WDR48: variants seen among roughly 807,000 people sequenced by gnomAD.
WDR48 encodes the protein WD repeat domain 48.
A neutral mutation model predicts 94.0 loss-of-function variants in WDR48; 22 were observed. The observed-to-expected ratio is 0.23, with a 90% CI of 0.17 to 0.33. The LOEUF (loss-of-function observed/expected upper bound fraction) is 0.33, where lower values mean the gene tolerates loss of function less well. WDR48 is among the 10% of genes least tolerant of loss of function. WDR48 has a pLI of 1.00. For missense variants in WDR48, 541 were observed against 813.8 expected (o/e 0.66, Z 4.08); for synonymous variants, 278 against 280.5 (o/e 0.99, Z 0.09).
chr3:39,069,308 G>T (rs1157956714), intron 6 of WDR48, among the ~76,000 whole-genome samples: 4 of 152,152 alleles, frequency 2.6e-5, no homozygotes, highest in Non-Finnish European at 5.9e-5. Context: ...TTGAACATTA[G>T]AAAATAAAGA....
intron 7 of WDR48, among the ~76,000 whole-genome samples, chr3:39,071,944 C>G (rs868259467): frequency 1.3e-5 from 2 of 152,184 alleles, no homozygotes; most frequent in Non-Finnish European, 2.9e-5. Context: ...AAAGAAACTT[C>G]TACTTACAGA....
In WDR48 at chr3:39,094,095, A is replaced by G. The variant is rs747186954; in HGVS notation, c.1938+29A>G. ...AGTGGACTTGAGGACTACAGCCCCA[A>G]TTTTTCCAGTGCTGGTGCTCATAAA... On this transcript the variant is annotated intron_variant, in intron 18 of 18. Transcript: ENST00000302313. 1.9e-5 allele frequency: 30 copies of G among 1,591,124 alleles called. 1 individual carries two copies. The highest frequency in any genetic ancestry group is 1.4e-4 in the South Asian group (12 of 86,588).
At chr3:39,078,694 C>T (rs914485990) in intron 10 of WDR48, among the ~76,000 whole-genome samples, 4 of 151,358 alleles carry the variant, frequency 2.6e-5, no homozygotes, top group South Asian at 2.1e-4. Context: ...ACTGGGATTA[C>T]GGGCGTGAGC....
At chr3:39,065,601 CAGTAAG>C (rs1403509028) in intron 2 of WDR48, among the ~76,000 whole-genome samples, 3 of 151,710 alleles carry the variant, frequency 2.0e-5, no homozygotes, top group East Asian at 1.9e-4. Flanking sequence ...CCTAAGCTTT[CAGTAAG>C]AGTAAAACTG....
rs1458981282 is a variant in WDR48 at position 39,095,823 on chromosome 3, A to G, written c.*1080A>G. Reference sequence around the variant, plus strand: ...TTGGATCTTGTATAGAGTGTAACTTATTGGGGATAAACACTTCAACTTTTG... The same window carrying G: ...TTGGATCTTGTATAGAGTGTAACTTGTTGGGGATAAACACTTCAACTTTTG... On this transcript the variant is annotated 3_prime_UTR_variant, in exon 19 of 19. Coordinates refer to ENST00000302313, the MANE Select transcript of WDR48 (RefSeq NM_020839.4). 6.6e-6 allele frequency: 1 copy of G among 152,666 alleles called. No individual in the cohort carries two copies. The highest frequency in any genetic ancestry group is 1.5e-5 in the Non-Finnish European group (1 of 68,042). The allele number at this position is 152,666 out of a possible 1,614,324, so 9.5% of individuals were successfully genotyped here.
intron 14 of WDR48, among the ~76,000 whole-genome samples, chr3:39,087,015 G>T (rs764387806): frequency 3.0e-4 from 46 of 152,142 alleles, no homozygotes; most frequent in Admixed American, 7.9e-4. Context: ...TCAGGTGGGG[G>T]TACTAAAGAC....
chr3:39,056,310 A>G (rs892861215), intron 1 of WDR48, among the ~76,000 whole-genome samples: 1 of 152,270 alleles, frequency 6.6e-6, no homozygotes, highest in Non-Finnish European at 1.5e-5. Flanking sequence ...CAGAATGCAT[A>G]AAAGATGAGG....
intron 7 of WDR48, among the ~76,000 whole-genome samples, chr3:39,072,153 T>C (rs1367621454): frequency 6.6e-6 from 1 of 152,236 alleles, no homozygotes; most frequent in Non-Finnish European, 1.5e-5. Context: ...TCTTTTGTTG[T>C]AGAATAAGAT....
chr3:39,084,604 T>A, intron 12 of WDR48, 41 bp from the exon 13 acceptor site: 3 of 1,548,886 alleles, frequency 1.9e-6, no homozygotes, highest in Non-Finnish European at 2.7e-6. Context: ...GTTTGGAGAA[T>A]ATATTCAAAT....
intron 1 of WDR48, among the ~76,000 whole-genome samples, chr3:39,055,828 C>T (rs1048050851): frequency 5.9e-5 from 9 of 152,130 alleles, no homozygotes; most frequent in African/African-American, 1.7e-4. Flanking sequence ...TCCTTCAGTG[C>T]TTCACAGTGC....
chr3:39,094,499 A>G (rs1247319667), intron 18 of WDR48, 149 bp from the exon 19 acceptor site: 5 of 1,536,392 alleles, frequency 3.3e-6, no homozygotes, highest in Admixed American at 3.9e-5. Flanking sequence ...TCATTCCCGC[A>G]TGCATGGAAG....
intron 4 of WDR48, 23 bp from the exon 5 acceptor site, chr3:39,066,723 A>G: frequency 6.2e-7 from 1 of 1,613,812 alleles, no homozygotes; most frequent in Non-Finnish European, 8.5e-7. Flanking sequence ...AGAATAGATC[A>G]TAGTATGTCT....
At chr3:39,065,990 C>T (rs2033581728) in intron 3 of WDR48, 101 bp downstream of exon 3, 7 of 773,908 alleles carry the variant, frequency 9.0e-6, no homozygotes, top group South Asian at 5.2e-5. Flanking sequence ...ACACACACTT[C>T]GAGATTGCAG....
intron 14 of WDR48, chr3:39,087,772 T>G (rs2034886441): frequency 6.1e-6 from 1 of 162,742 alleles, no homozygotes; most frequent in South Asian, 1.9e-4. Context: ...CTGAGCTTGG[T>G]GTTCTACAAA....
chr3:39,066,469 T>C, intron 3 of WDR48, 79 bp from the exon 4 acceptor site: 2 of 1,181,572 alleles, frequency 1.7e-6, no homozygotes, highest in Non-Finnish European at 2.4e-6. Flanking sequence ...TTTGAAATAA[T>C]GTTACATTGT....
chr3:39,087,036 G>T (rs1024246997), intron 14 of WDR48, among the ~76,000 whole-genome samples: 2 of 152,156 alleles, frequency 1.3e-5, no homozygotes, highest in Admixed American at 1.3e-4. Flanking sequence ...ACATGGGTAT[G>T]GTCCCTGTCC....
rs983637129 is a variant in WDR48, at chr3:39,085,680, GTACT to G, written c.1474+77_1474+80del. 7.2e-5 allele frequency: 95 copies of G among 1,321,706 alleles called. 1 individual carries two copies. In the Middle Eastern group the frequency reaches 1.3e-3, roughly 18 times the overall value. The allele number at this position is 1,321,706 out of a possible 1,614,324, so 81.9% of individuals were successfully genotyped here. ...TTACTTAAAAGGTACTTACTAAAAGGTACTTACTTAAACCGTTAGCTAAAATATT... is the reference window on the plus strand; with the variant it reads ...TTACTTAAAAGGTACTTACTAAAAGGTACTTAAACCGTTAGCTAAAATATT... On this transcript the variant is annotated intron_variant, in intron 14 of 18. Coordinates refer to ENST00000302313, the MANE Select transcript of WDR48 (RefSeq NM_020839.4).
In WDR48 at chr3:39,066,758, G is replaced by A. The variant is rs755645382; in HGVS notation, c.364G>A (p.Ala122Thr). Residue 122 changes from alanine (A) to threonine (T), a missense_variant, in exon 5 of 19, where the codon GCC (alanine) becomes ACC (threonine). Ala to Thr is a moderately conservative substitution (Grantham distance 58). Transcript: ENST00000302313. Reference sequence around the variant, plus strand: ...TGTTCTATTACAGGATTACGTAAAGGCCTTAGCATATGCCAAGGATAAAGA... The same window carrying A: ...TGTTCTATTACAGGATTACGTAAAGACCTTAGCATATGCCAAGGATAAAGA... ...TLRTHKDYVK[A>T]LAYAKDKELV... is the part of the protein sequence containing the mutation. 6.2e-7 allele frequency: 1 copy of A among 1,613,986 alleles called. No homozygotes were observed. The highest frequency in any genetic ancestry group is 8.5e-7 in the Non-Finnish European group (1 of 1,179,916).
chr3:39,061,872 G>GTGTC (rs1432918582), intron 1 of WDR48, among the ~76,000 whole-genome samples: 1 of 102,920 alleles, frequency 9.7e-6, no homozygotes, highest in African/African-American at 7.0e-5. Flanking sequence ...ATTTTTTCTT[G>GTGTC]TGTCTGCTGC....
Sources: allele counts gnomAD v4.1 joint callset (sites outside exome capture counted in the v4.1 genomes callset), GRCh38; gene constraint gnomAD v4.1.1; transcripts MANE v1.5; gene names NCBI Gene and HGNC (gene_info 2026-07-23, HGNC 2026-07-21).